The following TOX variants were observed in gnomAD, a reference collection of about 807,000 sequenced individuals.
The protein encoded by TOX is thymocyte selection associated high mobility group box, also known as thymocyte selection-associated high mobility group box protein TOX.
A neutral mutation model predicts 53.7 loss-of-function variants in TOX; 11 were observed. The ratio of observed to expected loss-of-function variants is 0.20; its 90% CI spans 0.13 to 0.34. The LOEUF is 0.34. Among genes scored for constraint, TOX ranks in the 10% least tolerant of loss-of-function variants. The pLI, the probability that TOX is intolerant of heterozygous loss-of-function variation, is 1.00. For missense variants in TOX, 570 were observed against 664.6 expected (o/e 0.86, Z 1.56); for synonymous variants, 225 against 245.3 (o/e 0.92, Z 0.77).
chr8:59,066,681 G>T (rs1299112401), intron 1 of TOX, among the ~76,000 whole-genome samples: 1 of 152,116 alleles, frequency 6.6e-6, no homozygotes, highest in Non-Finnish European at 1.5e-5. Flanking sequence ...GACTTTGTCT[G>T]CCCTGTGTAA....
intron 2 of TOX, among the ~76,000 whole-genome samples, chr8:58,956,426 A>G (rs1812708431): frequency 6.6e-6 from 1 of 152,180 alleles, no homozygotes; most frequent in Non-Finnish European, 1.5e-5. Context: ...ATTTTATAAG[A>G]TACATTTTAT....
intron 1 of TOX, among the ~76,000 whole-genome samples, chr8:59,110,529 A>G (rs1804996197): frequency 1.3e-5 from 2 of 152,178 alleles, no homozygotes; most frequent in African/African-American, 4.8e-5. Context: ...CTTGCACATT[A>G]TATTTCACAT....
intron 1 of TOX, among the ~76,000 whole-genome samples, chr8:59,095,083 C>G (rs765091137): frequency 4.6e-5 from 7 of 152,164 alleles, no homozygotes; most frequent in Non-Finnish European, 8.8e-5. Flanking sequence ...CTTATAAACC[C>G]TATTATGTTC....
At chr8:58,844,012 A>C (rs1332784520) in intron 4 of TOX, among the ~76,000 whole-genome samples, 1 of 152,226 alleles carries the variant, frequency 6.6e-6, no homozygotes, top group Non-Finnish European at 1.5e-5. Context: ...CTGTGGTAGA[A>C]AAATTAGCTA....
In TOX at chr8:58,892,384, G is replaced by A. The variant is rs530963298; in HGVS notation, c.412-40579C>T. Among the ~76,000 whole-genome samples the A allele has an allele frequency of 2.6e-3, 397 of 152,232 alleles. 5 individuals carry two copies. Among genetic ancestry groups the A allele is most frequent in the South Asian group, 0.014 (65 of 4,812 alleles). Reference sequence around the variant, plus strand: ...ACTTAAAATAAAACTGCCTTTCCTGGTGGCTTTAGTCAGTTGAGTTTTTCC... The same window carrying A: ...ACTTAAAATAAAACTGCCTTTCCTGATGGCTTTAGTCAGTTGAGTTTTTCC... On this transcript the variant is annotated intron_variant, in intron 3 of 8. Coordinates refer to ENST00000361421, the MANE Select transcript of TOX (RefSeq NM_014729.3).
chr8:58,992,489 T>G (rs1813474375), intron 1 of TOX, among the ~76,000 whole-genome samples: 1 of 152,218 alleles, frequency 6.6e-6, no homozygotes, highest in African/African-American at 2.4e-5. Flanking sequence ...CAACATTATT[T>G]TTTGCTTTGG....
At chr8:59,003,836 A>C (rs1303653223) in intron 1 of TOX, among the ~76,000 whole-genome samples, 1 of 152,236 alleles carries the variant, frequency 6.6e-6, no homozygotes, top group Non-Finnish European at 1.5e-5. Flanking sequence ...AATTTGTTTA[A>C]GCACAAACAT....
intron 3 of TOX, among the ~76,000 whole-genome samples, chr8:58,867,195 C>A (rs530369843): frequency 1.3e-5 from 2 of 152,146 alleles, no homozygotes; most frequent in African/African-American, 4.8e-5. Context: ...TCAGAATCTT[C>A]TGGAATAGTA....
chr8:58,820,050 G>A (rs377396024), intron 6 of TOX, among the ~76,000 whole-genome samples: 4 of 152,114 alleles, frequency 2.6e-5, no homozygotes, highest in South Asian at 2.1e-4. Context: ...CAAATTTTAC[G>A]TTAACAGTCA....
At chr8:58,980,021 T>C (rs1054335049) in intron 1 of TOX, among the ~76,000 whole-genome samples, 1 of 152,196 alleles carries the variant, frequency 6.6e-6, no homozygotes, top group Non-Finnish European at 1.5e-5. Flanking sequence ...GTTCTAAAAA[T>C]GGATTTGGGA....
chr8:59,096,659 A>C (rs1259707291), intron 1 of TOX, among the ~76,000 whole-genome samples: 1 of 152,192 alleles, frequency 6.6e-6, no homozygotes, highest in Non-Finnish European at 1.5e-5. Flanking sequence ...TTTAGAGAAA[A>C]TGAAAAAGAT....
intron 1 of TOX, among the ~76,000 whole-genome samples, chr8:59,013,359 A>G (rs1466511011): frequency 6.6e-6 from 1 of 151,810 alleles, no homozygotes; most frequent in Non-Finnish European, 1.5e-5. Flanking sequence ...TCTTAAAGTT[A>G]TCATTTGATA....
intron 6 of TOX, among the ~76,000 whole-genome samples, chr8:58,822,981 C>A (rs1265119139): frequency 1.3e-5 from 2 of 152,152 alleles, no homozygotes; most frequent in Non-Finnish European, 1.5e-5. Flanking sequence ...GTGTAAAATG[C>A]CTACCACAGT....
At chr8:59,002,923 T>A (rs1308857437) in intron 1 of TOX, among the ~76,000 whole-genome samples, 1 of 152,202 alleles carries the variant, frequency 6.6e-6, no homozygotes, top group African/African-American at 2.4e-5. Flanking sequence ...ACAAGGGGTA[T>A]ATAGATGCTT....
chr8:58,971,370 T>C (rs1297896222), intron 1 of TOX, among the ~76,000 whole-genome samples: 4 of 152,186 alleles, frequency 2.6e-5, no homozygotes, highest in Non-Finnish European at 5.9e-5. Context: ...TGGAGTGGGT[T>C]TGAAATAAGG....
intron 4 of TOX, among the ~76,000 whole-genome samples, chr8:58,838,699 C>CTTTTTTTGTTTTTTTTTTTTTTTTTTT (rs1810590922): frequency 1.1e-5 from 1 of 88,912 alleles, no homozygotes; most frequent in Admixed American, 1.3e-4. Flanking sequence ...TTATCCTTGT[C>CTTTTTTTGTTTTTTTTTTTTTTTTTTT]TTTTTTTTTT....
chr8:58,998,499 A>ATGTG (rs1813606885), intron 1 of TOX, among the ~76,000 whole-genome samples: 1 of 74,536 alleles, frequency 1.3e-5, no homozygotes, highest in African/African-American at 6.6e-5. Context: ...AAAAGTATAT[A>ATGTG]TATATATATA....
chr8:59,070,234 G>A (rs1804169744), intron 1 of TOX, among the ~76,000 whole-genome samples: 1 of 152,104 alleles, frequency 6.6e-6, no homozygotes, highest in Non-Finnish European at 1.5e-5. Flanking sequence ...TAAATGGAAA[G>A]GTAAAGCCAA....
In TOX at chr8:58,950,504, T is replaced by C. The variant is rs187498096; in HGVS notation, c.168+9439A>G. ...CAATCCTACTCCCAGGGAAGAATTGTAAGTGCATCTCTCTAAATACTGGAG... is the reference window on the plus strand; with the variant it reads ...CAATCCTACTCCCAGGGAAGAATTGCAAGTGCATCTCTCTAAATACTGGAG... On this transcript the variant is annotated intron_variant, in intron 2 of 8. Transcript: ENST00000361421. 1.9e-4 allele frequency among the ~76,000 whole-genome samples: 29 copies of C among 152,320 alleles called. 1 individual carries two copies. Among genetic ancestry groups the C allele is most frequent in the African/African-American group, 6.7e-4 (28 of 41,588 alleles).
Sources: allele counts gnomAD v4.1 joint callset (sites outside exome capture counted in the v4.1 genomes callset), GRCh38; gene constraint gnomAD v4.1.1; transcripts MANE v1.5; gene names NCBI Gene and HGNC (gene_info 2026-07-23, HGNC 2026-07-21).